Variants in PDLIM7 observed in about 807,000 individuals in gnomAD.
PDLIM7 encodes PDZ and LIM domain protein 7.
PDLIM7 carries 37 observed loss-of-function variants against 53.9 expected under a neutral mutation model. That is an observed-to-expected ratio of 0.69 (90% CI 0.53 to 0.90). The LOEUF (loss-of-function observed/expected upper bound fraction) is 0.90. Ranked by LOEUF, PDLIM7 falls within the 40% of genes least tolerant of loss-of-function variation. The pLI is 0.00. For synonymous variants in PDLIM7, 300 were observed against 261.3 expected (o/e 1.15, Z -1.43); for missense variants, 617 against 638.5 (o/e 0.97, Z 0.36).
At chr5:177,492,761 A>AAGCTGTCCCACTTCCAGAACCCAGAG in intron 2 of PDLIM7, 84 bp from the exon 3 acceptor site, 2 of 1,445,026 alleles carry the variant, frequency 1.4e-6, no homozygotes, top group South Asian at 2.4e-5. Flanking sequence ...GCCCCACCCA[A>AAGCTGTCCCACTTCCAGAACCCAGAG]AGCTGTCCCA....
At position 177,492,508 on chromosome 5, in the gene PDLIM7, C is replaced by A. The variant is rs1228835169; in HGVS notation, c.248+18G>T. 6.2e-7 allele frequency: 1 copy of A among 1,613,748 alleles called. No individual in the cohort carries two copies. Among genetic ancestry groups the A allele is most frequent in the South Asian group, 1.1e-5 (1 of 91,054 alleles). ...CCACTGCCAGCGCGGGCGCACCCAT[C>A]CATGTCCACCCGCATACCTGCTGAG... is the stretch of plus-strand genomic sequence containing the variant. On this transcript the variant is annotated intron_variant, in intron 3 of 12. Transcript: ENST00000355841.
intron 7 of PDLIM7, chr5:177,490,339 C>G (rs1208107269): frequency 6.9e-7 from 1 of 1,451,922 alleles, no homozygotes; most frequent in African/African-American, 1.4e-5. Context: ...GTCAGATGAA[C>G]CCAGGTGGGC....
chr5:177,496,717 G>C, intron 1 of PDLIM7, 194 bp from the exon 2 acceptor site: 1 of 413,072 alleles, frequency 2.4e-6, no homozygotes, highest in South Asian at 4.2e-5. Context: ...ACTTTGGAAA[G>C]ACAGGAGCAG....
chr5:177,491,910 C>T lies in PDLIM7; in HGVS notation c.295G>A (p.Ala99Thr), dbSNP rs368407040. The change falls in exon 5 of 13, where the codon GCG becomes ACG. Residue 99 changes from alanine (A) to threonine (T), a missense_variant. Transcript: ENST00000355841. ...SKPQKASAPAADPPRYTFAPS... is the reference protein window; with the variant it reads ...SKPQKASAPATDPPRYTFAPS... ...GCAAAGGTGTACCGCGGAGGGTCCG[C>T]GGCGGGGGCGGAGGCCTGGGCAGAG... is the stretch of plus-strand genomic sequence containing the variant. 20 of 961,656 alleles carry T rather than the reference C, an allele frequency of 2.1e-5. No homozygotes were observed. Among genetic ancestry groups the T allele is most frequent in the Non-Finnish European group, 2.3e-5 (19 of 808,964 alleles). 59.6% of individuals were successfully genotyped at this position (961,656 alleles called of 1,614,324 possible).
chr5:177,483,410 T>G lies in PDLIM7; in HGVS notation c.*234A>C. 1 of 496,214 alleles carries G rather than the reference T, an allele frequency of 2.0e-6. No homozygotes were observed. Among genetic ancestry groups the G allele is most frequent in the Non-Finnish European group, 3.6e-6 (1 of 278,210 alleles). The allele number at this position is 496,214 out of a possible 1,614,324, so 30.7% of individuals were successfully genotyped here. ...CACACAAGACACAGCTGGGTACAGG[T>G]TTATTGTGGCACTGGAGGTGAAAGG... On this transcript the variant is annotated 3_prime_UTR_variant, in exon 13 of 13. Transcript: ENST00000355841.
rs377373032 is a variant in PDLIM7, at chr5:177,491,132, G to A, written c.413C>T (p.Pro138Leu). The change falls in exon 6 of 13, where the codon CCG becomes CTG. Residue 138 changes from proline (P) to leucine (L), a missense_variant. By Grantham distance (98) the Pro-to-Leu change is moderately conservative. Transcript: ENST00000355841. ...CTGCTTGCTGGCATCTGGGACCAGC[G>A]GTCGGAGCGGCTGTCTGTGGGGAGG... ...APQQNGQPLR[P>L]LVPDASKQRL... 28 of 1,609,632 alleles carry A rather than the reference G, an allele frequency of 1.7e-5. No homozygotes were observed. The highest frequency in any genetic ancestry group is 2.2e-5 in the Non-Finnish European group (26 of 1,178,010).
chr5:177,483,841 C>A, intron 12 of PDLIM7, 26 bp downstream of exon 12: 1 of 1,606,252 alleles, frequency 6.2e-7, no homozygotes, highest in Non-Finnish European at 8.5e-7. Context: ...GGGCTTGGGG[C>A]TCAGTTCGAG....
chr5:177,489,306 C>T (rs951657528), intron 9 of PDLIM7, 87 bp downstream of exon 9: 19 of 1,025,988 alleles, frequency 1.9e-5, no homozygotes, highest in Middle Eastern at 5.0e-4. Flanking sequence ...TCCCCCCAGT[C>T]GCAGCTGAGG....
Position 177,483,586 on chromosome 5 carries a change from C to T in PDLIM7, c.*58G>A. ...GCCAGCCCTACCCAGAAATGCAGGG[C>T]CACGACTCCAGGCCCCTCAGGCTAG... On this transcript the variant is annotated 3_prime_UTR_variant, in exon 13 of 13. Transcript: ENST00000355841. 7.7e-7 allele frequency: 1 copy of T among 1,300,528 alleles called. No homozygotes were observed. The highest frequency in any genetic ancestry group is 1.1e-6 in the Non-Finnish European group (1 of 913,050). The allele number at this position is 1,300,528 out of a possible 1,614,324, so 80.6% of individuals were successfully genotyped here.
intron 10 of PDLIM7, 103 bp from the exon 11 acceptor site, chr5:177,484,293 G>A (rs1196506220): frequency 9.2e-6 from 13 of 1,416,150 alleles, no homozygotes; most frequent in East Asian, 2.3e-5. Context: ...TCCTTCTCGC[G>A]GTAAACACTA....
intron 10 of PDLIM7, among the ~76,000 whole-genome samples, chr5:177,486,000 T>TA (rs1391332055): frequency 6.6e-6 from 1 of 151,682 alleles, no homozygotes; most frequent in Non-Finnish European, 1.5e-5. Flanking sequence ...CATAAAGAAA[T>TA]AAAAAGCAGG....
At chr5:177,495,554 T>C (rs1759028946) in intron 2 of PDLIM7, among the ~76,000 whole-genome samples, 1 of 152,156 alleles carries the variant, frequency 6.6e-6, no homozygotes, top group African/African-American at 2.4e-5. Context: ...AACTGGACCA[T>C]ATAGCTGGAG....
chr5:177,492,165 G>A (rs1254082546), intron 4 of PDLIM7: 15 of 615,602 alleles, frequency 2.4e-5, no homozygotes, highest in South Asian at 2.4e-4. Flanking sequence ...AGCACGCAGC[G>A]CCGGCGGCGG....
intron 10 of PDLIM7, among the ~76,000 whole-genome samples, chr5:177,487,404 GC>G (rs931062256): frequency 1.1e-4 from 16 of 152,248 alleles, no homozygotes; most frequent in African/African-American, 3.9e-4. Context: ...AAGGATGGAC[GC>G]CATGGGGCTC....
intron 5 of PDLIM7, 101 bp downstream of exon 5, chr5:177,491,706 G>A (rs2127413636): frequency 2.8e-6 from 2 of 722,470 alleles, no homozygotes; most frequent in East Asian, 6.5e-5. Flanking sequence ...GCACGGTTCC[G>A]CCGGGCTGGG....
intron 9 of PDLIM7, 57 bp from the exon 10 acceptor site, chr5:177,488,305 C>T: frequency 1.4e-6 from 2 of 1,477,714 alleles, no homozygotes; most frequent in Non-Finnish European, 1.8e-6. Context: ...GGGGTCTTGG[C>T]CCCCTTCAGG....
chr5:177,486,746 C>A (rs1414419205), intron 10 of PDLIM7, among the ~76,000 whole-genome samples: 2 of 152,050 alleles, frequency 1.3e-5, no homozygotes, highest in African/African-American at 4.8e-5. Context: ...TCACGCCATT[C>A]TCCTGCCTCA....
rs549699704 is a variant in PDLIM7 at position 177,485,218 on chromosome 5, T to C, written c.1051-1028A>G. Among the ~76,000 whole-genome samples the C allele has an allele frequency of 2.0e-5, 3 of 152,360 alleles. No individual in the cohort carries two copies. The South Asian group carries it at 6.2e-4, about 32-fold the overall frequency. On this transcript the variant is annotated intron_variant, in intron 10 of 12. Transcript: ENST00000355841. ...GAAGGGCAGGAAGCATCAACTGTTT[T>C]GTTAGCTGATCTATCCCCACAGTGC...
Position 177,483,557 on chromosome 5 carries a change from C to T in PDLIM7, c.*87G>A. The T allele has an allele frequency of 9.8e-7, 1 of 1,015,866 alleles. No homozygotes were observed. Among genetic ancestry groups the T allele is most frequent in the Non-Finnish European group, 1.5e-6 (1 of 678,806 alleles). The allele number at this position is 1,015,866 out of a possible 1,614,324, so 62.9% of individuals were successfully genotyped here. A position where few individuals can be genotyped will look rare whatever the true frequency, so the allele number is the denominator to read the frequency against. On this transcript the variant is annotated 3_prime_UTR_variant, in exon 13 of 13. Transcript: ENST00000355841. The stretch of plus-strand genomic sequence containing the variant: ...GGCCAGGAGCCAGGGTTAAGGCAAC[C>T]ATTGCCAGCCCTACCCAGAAATGCA...
Sources: gnomAD v4.1 joint callset for allele counts (sites outside exome capture counted in the v4.1 genomes callset) on GRCh38, gnomAD v4.1.1 for gene constraint, MANE v1.5 for transcripts, NCBI Gene and HGNC (gene_info 2026-07-23, HGNC 2026-07-21) for gene names.